Variants in NOL4L observed in about 807,000 individuals in gnomAD.
NOL4L encodes the protein nucleolar protein 4-like.
A neutral mutation model predicts 64.5 loss-of-function variants in NOL4L; 7 were observed. The ratio of observed to expected loss-of-function variants is 0.11; its 90% CI spans 0.06 to 0.20. The LOEUF is 0.20. NOL4L is among the 10% of genes least tolerant of loss of function. The pLI is 1.00. For missense variants in NOL4L, 680 were observed against 967.1 expected (o/e 0.70, Z 3.94); for synonymous variants, 413 against 401.0 (o/e 1.03, Z -0.36).
chr20:32,447,788 C>T lies in NOL4L; in HGVS notation c.1851G>A (p.Gly617=), dbSNP rs1363077873. The part of the protein sequence containing the change: ...NGPTDLSMKG[G]ASTTSTTPTP... Reference sequence around the variant, plus strand: ...TGGGGGTGGTGGAGGTGGTAGAGGCCCCGCCTTTCATGCTGAGGTCCGTGG... The same window carrying T: ...TGGGGGTGGTGGAGGTGGTAGAGGCTCCGCCTTTCATGCTGAGGTCCGTGG... Residue 617 remains glycine (G), a synonymous_variant, in exon 11 of 11, where the codon GGG becomes GGA. Coordinates refer to ENST00000621426, the MANE Select transcript of NOL4L (RefSeq NM_001256798.2). The T allele has an allele frequency of 5.1e-6, 8 of 1,572,638 alleles. No homozygotes were observed. The highest frequency in any genetic ancestry group is 6.9e-6 in the Non-Finnish European group (8 of 1,156,082).
chr20:32,542,769 A>C (rs1488114258), intron 1 of NOL4L, among the ~76,000 whole-genome samples: 1 of 152,256 alleles, frequency 6.6e-6, no homozygotes, highest in South Asian at 2.1e-4. Flanking sequence ...AAGATGAAAC[A>C]CCTTAATAGT....
intron 4 of NOL4L, 102 bp from the exon 5 acceptor site, chr20:32,474,844 G>T: frequency 1.4e-6 from 2 of 1,451,884 alleles, no homozygotes; most frequent in Non-Finnish European, 1.8e-6. Context: ...GTTTGGGAGT[G>T]CCCTGAAGGC....
chr20:32,471,750 T>C (rs948444220), intron 5 of NOL4L, among the ~76,000 whole-genome samples: 5 of 152,200 alleles, frequency 3.3e-5, no homozygotes, highest in Non-Finnish European at 2.9e-5. Context: ...GGGTGCTGTA[T>C]GGAGTGAGTT....
intron 1 of NOL4L, among the ~76,000 whole-genome samples, chr20:32,566,658 T>C (rs890451956): frequency 1.2e-4 from 18 of 152,154 alleles, no homozygotes; most frequent in Non-Finnish European, 2.2e-4. Flanking sequence ...TCCCGTATAA[T>C]TTGCTCCTAC....
At chr20:32,568,802 C>T (rs111543623) in intron 1 of NOL4L, among the ~76,000 whole-genome samples, 8 of 152,306 alleles carry the variant, frequency 5.3e-5, no homozygotes, top group East Asian at 1.9e-4. Flanking sequence ...TGAGTCTCTC[C>T]GTCCTGGAAC....
chr20:32,480,989 AAT>A (rs1164583124), intron 4 of NOL4L, among the ~76,000 whole-genome samples: 1 of 152,212 alleles, frequency 6.6e-6, no homozygotes, highest in Non-Finnish European at 1.5e-5. Context: ...TCTTCTGGGA[AAT>A]ATGAGGCAGG....
At chr20:32,451,147 G>A (rs1288280662) in intron 10 of NOL4L, among the ~76,000 whole-genome samples, 1 of 152,146 alleles carries the variant, frequency 6.6e-6, no homozygotes, top group Non-Finnish European at 1.5e-5. Context: ...CCTTGCACCA[G>A]GGTTCCCCAG....
intron 3 of NOL4L, among the ~76,000 whole-genome samples, chr20:32,516,927 G>T (rs1346327322): frequency 6.6e-6 from 1 of 152,256 alleles, no homozygotes; most frequent in African/African-American, 2.4e-5. Flanking sequence ...TCACATCAAA[G>T]AAAACAGAGA....
intron 4 of NOL4L, among the ~76,000 whole-genome samples, chr20:32,480,362 C>G (rs1028225159): frequency 6.6e-6 from 1 of 152,142 alleles, no homozygotes; most frequent in African/African-American, 2.4e-5. Context: ...AGGGCAGGGG[C>G]AGGGATGTGC....
chr20:32,510,821 T>C (rs2017365415), intron 4 of NOL4L, among the ~76,000 whole-genome samples: 1 of 152,056 alleles, frequency 6.6e-6, no homozygotes, highest in Non-Finnish European at 1.5e-5. Context: ...GGGAGTTTCT[T>C]TTCATAGCCT....
At chr20:32,551,410 TCA>T (rs1459188101) in intron 1 of NOL4L, among the ~76,000 whole-genome samples, 7 of 152,038 alleles carry the variant, frequency 4.6e-5, no homozygotes, top group African/African-American at 1.4e-4. Flanking sequence ...ATCATCATCA[TCA>T]TCGTGAGCAT....
chr20:32,451,312 C>G (rs2012880483), intron 10 of NOL4L, among the ~76,000 whole-genome samples: 2 of 152,228 alleles, frequency 1.3e-5, no homozygotes, highest in African/African-American at 4.8e-5. Flanking sequence ...ACAGACCACA[C>G]AATTCACGGC....
At chr20:32,577,238 G>C (rs1482089885) in intron 1 of NOL4L, among the ~76,000 whole-genome samples, 3 of 152,202 alleles carry the variant, frequency 2.0e-5, no homozygotes, top group Non-Finnish European at 4.4e-5. Context: ...CACAAATCCA[G>C]ACCCCAGGAA....
At chr20:32,554,696 G>A (rs1338909580) in intron 1 of NOL4L, among the ~76,000 whole-genome samples, 1 of 152,126 alleles carries the variant, frequency 6.6e-6, no homozygotes, top group Non-Finnish European at 1.5e-5. Context: ...GCCTTGATGA[G>A]TCACAATACT....
Position 32,514,991 on chromosome 20 carries a change from C to T in NOL4L, c.590-3535G>A, listed in dbSNP as rs373841489. 3.2e-4 allele frequency among the ~76,000 whole-genome samples: 49 copies of T among 152,218 alleles called. No homozygotes were observed. The East Asian group carries it at 7.1e-3, about 22-fold the overall frequency. The stretch of plus-strand genomic sequence containing the variant: ...TGTCTAGGTTTGGGAGGCACGGAGG[C>T]GGGGAGCTGTGTTCTTCTACTGATG... On this transcript the variant is annotated intron_variant, in intron 3 of 10. Transcript: ENST00000621426.
At chr20:32,485,495 T>C in intron 4 of NOL4L, 3 of 291,606 alleles carry the variant, frequency 1.0e-5, no homozygotes, top group South Asian at 8.6e-5. Context: ...CTGCTGTCAA[T>C]AGAAAACTCA....
chr20:32,447,701 C>G lies in NOL4L; in HGVS notation c.1938G>C (p.Thr646=). The G allele has an allele frequency of 1.4e-6, 2 of 1,450,826 alleles. No individual in the cohort carries two copies. Among genetic ancestry groups the G allele is most frequent in the Non-Finnish European group, 1.9e-6 (2 of 1,079,584 alleles). The allele number at this position is 1,450,826 out of a possible 1,614,324, so 89.9% of individuals were successfully genotyped here. ...RPVPTAQLSP[T]EISAVRQLIA... ...TGAGCTGCCGCACGGCGCTGATCTC[C>G]GTGGGGCTGAGCTGAGCGGTGGGCA... Residue 646 remains threonine (T), a synonymous_variant, in exon 11 of 11, where the codon ACG becomes ACC. Coordinates refer to ENST00000621426, the MANE Select transcript of NOL4L (RefSeq NM_001256798.2).
At chr20:32,548,718 C>G in intron 1 of NOL4L, 2 of 360,606 alleles carry the variant, frequency 5.5e-6, no homozygotes, top group South Asian at 4.1e-5. Flanking sequence ...TCAGACGCAG[C>G]AATTCAACTC....
At chr20:32,514,812 G>A (rs2017577862) in intron 3 of NOL4L, among the ~76,000 whole-genome samples, 1 of 152,072 alleles carries the variant, frequency 6.6e-6, no homozygotes, top group Non-Finnish European at 1.5e-5. Flanking sequence ...GTGGATGTTT[G>A]GACTGAGAAT....
Sources: gnomAD v4.1 joint callset for allele counts (sites outside exome capture counted in the v4.1 genomes callset) on GRCh38, gnomAD v4.1.1 for gene constraint, MANE v1.5 for transcripts, NCBI Gene and HGNC (gene_info 2026-07-23, HGNC 2026-07-21) for gene names.